MAP3K5: variants seen among roughly 807,000 people sequenced by gnomAD.
MAP3K5 encodes the protein ASK-1.
Under a neutral mutation model 158.7 loss-of-function variants are expected in MAP3K5, and 56 were observed. That is an observed-to-expected ratio of 0.35 (90% CI 0.28 to 0.44). MAP3K5 has a LOEUF of 0.44. Ranked by LOEUF, MAP3K5 falls within the 20% of genes least tolerant of loss-of-function variation. The pLI, the probability that MAP3K5 is intolerant of heterozygous loss-of-function variation, is 1.00. For missense variants in MAP3K5, 1,294 were observed against 1,674.8 expected (o/e 0.77, Z 3.97); for synonymous variants, 579 against 601.7 (o/e 0.96, Z 0.55).
rs201191934 is a variant in MAP3K5 at position 136,626,874 on chromosome 6, A to AT, written c.2017-3894dup. ...ACTTTCAATTTACAAATGATCAGAA[A>AT]TTTTTTTTTCCAGTGAAAATATATC... On this transcript the variant is annotated intron_variant, in intron 14 of 29. Transcript: ENST00000359015. Among the ~76,000 whole-genome samples the AT allele has an allele frequency of 5.3e-3, 802 of 151,938 alleles. 6 individuals are homozygous for AT. The highest frequency in any genetic ancestry group is 0.018 in the African/African-American group (766 of 41,444).
chr6:136,594,412 A>C (rs552743015), intron 21 of MAP3K5, among the ~76,000 whole-genome samples: 1 of 152,192 alleles, frequency 6.6e-6, no homozygotes, highest in Non-Finnish European at 1.5e-5. Context: ...TTTAGAGTCA[A>C]CATCTCGCTA....
intron 1 of MAP3K5, among the ~76,000 whole-genome samples, chr6:136,747,510 T>C (rs973672533): frequency 1.3e-5 from 2 of 152,160 alleles, no homozygotes; most frequent in African/African-American, 2.4e-5. Flanking sequence ...ACCACAATAG[T>C]ATATGCTGGA....
At chr6:136,621,575 G>A (rs774241758) in intron 15 of MAP3K5, among the ~76,000 whole-genome samples, 7 of 152,268 alleles carry the variant, frequency 4.6e-5, no homozygotes, top group African/African-American at 1.7e-4. Flanking sequence ...GGAAGAGTTC[G>A]ACAGGTCTGT....
intron 1 of MAP3K5, among the ~76,000 whole-genome samples, chr6:136,759,272 G>C (rs927207580): frequency 2.0e-5 from 3 of 151,814 alleles, no homozygotes; most frequent in African/African-American, 7.2e-5. Context: ...TTATGTGCCT[G>C]AACATAGGCT....
chr6:136,672,197 C>T (rs1441921853), intron 7 of MAP3K5, among the ~76,000 whole-genome samples: 2 of 152,036 alleles, frequency 1.3e-5, no homozygotes, highest in East Asian at 1.9e-4. Flanking sequence ...AAGATGTAGT[C>T]GTCTACTTGG....
intron 26 of MAP3K5, 111 bp downstream of exon 26, chr6:136,567,520 A>T: frequency 8.9e-7 from 1 of 1,119,832 alleles, no homozygotes; most frequent in Non-Finnish European, 1.2e-6. Flanking sequence ...AAAGGCATTC[A>T]ATCAAGTTTC....
intron 1 of MAP3K5, among the ~76,000 whole-genome samples, chr6:136,731,643 T>TA (rs1782228656): frequency 6.6e-6 from 1 of 152,098 alleles, no homozygotes. Flanking sequence ...CTGACATAGA[T>TA]ATTAGGGTGG....
intron 1 of MAP3K5, among the ~76,000 whole-genome samples, chr6:136,770,675 T>A (rs979156946): frequency 6.6e-6 from 1 of 152,212 alleles, no homozygotes; most frequent in African/African-American, 2.4e-5. Context: ...AAGGATTGCC[T>A]GAGCCCAGAA....
intron 28 of MAP3K5, among the ~76,000 whole-genome samples, chr6:136,561,134 G>A (rs907732278): frequency 2.0e-5 from 3 of 151,718 alleles, no homozygotes; most frequent in African/African-American, 7.3e-5. Flanking sequence ...TGCCTGCCTC[G>A]TTGGATTGTA....
At chr6:136,664,941 A>G (rs963628526) in intron 8 of MAP3K5, among the ~76,000 whole-genome samples, 1 of 152,292 alleles carries the variant, frequency 6.6e-6, no homozygotes, top group Non-Finnish European at 1.5e-5. Flanking sequence ...TCAAAAAATA[A>G]AAGTTAAAAA....
intron 3 of MAP3K5, among the ~76,000 whole-genome samples, chr6:136,701,126 T>C (rs1035382259): frequency 6.6e-6 from 1 of 152,162 alleles, no homozygotes; most frequent in African/African-American, 2.4e-5. Flanking sequence ...TGTGACATGT[T>C]TGGCACTCCA....
Position 136,558,937 on chromosome 6 carries a change from T to A in MAP3K5, c.3988-61A>T, listed in dbSNP as rs1032169791. 12 of 835,362 alleles carry A rather than the reference T, an allele frequency of 1.4e-5. No individual in the cohort carries two copies. The African/African-American group carries it at 1.7e-4, about 12-fold the overall frequency. The allele number at this position is 835,362 out of a possible 1,614,324, so 51.7% of individuals were successfully genotyped here. On this transcript the variant is annotated intron_variant, in intron 28 of 29. Coordinates refer to ENST00000359015, the MANE Select transcript of MAP3K5 (RefSeq NM_005923.4). ...TATATAACTTTAATAAAGCACAAAC[T>A]CTATTCATAATGTAAACCTTGACTA...
chr6:136,586,865 C>T (rs900552694), intron 23 of MAP3K5, among the ~76,000 whole-genome samples: 1 of 152,146 alleles, frequency 6.6e-6, no homozygotes, highest in Non-Finnish European at 1.5e-5. Context: ...CAGCCTACAT[C>T]TTTCTCTTGT....
At chr6:136,565,836 G>T (rs201871512) in intron 26 of MAP3K5, among the ~76,000 whole-genome samples, 1 of 152,158 alleles carries the variant, frequency 6.6e-6, no homozygotes, top group African/African-American at 2.4e-5. Flanking sequence ...TTTTCTGTGG[G>T]TGATGGAAAG....
intron 8 of MAP3K5, among the ~76,000 whole-genome samples, chr6:136,661,623 G>A (rs575617339): frequency 2.6e-5 from 4 of 152,128 alleles, no homozygotes; most frequent in Admixed American, 6.5e-5. Context: ...GAACTCCTGG[G>A]CTCAAGTGAT....
chr6:136,698,701 TC>T lies in MAP3K5; in HGVS notation c.613-20del. 6.3e-7 allele frequency: 1 copy of T among 1,595,504 alleles called. No homozygotes were observed. ...TGCACATCTGCGGAGAGAGGAGGCA[TC>T]GGCAAGTGGGGAGCTGGCCTGGAGA... On this transcript the variant is annotated intron_variant, in intron 3 of 29. Transcript: ENST00000359015.
intron 25 of MAP3K5, among the ~76,000 whole-genome samples, chr6:136,570,625 C>G (rs1344978818): frequency 2.0e-5 from 3 of 152,096 alleles, no homozygotes; most frequent in African/African-American, 7.2e-5. Context: ...TTTCTTTATC[C>G]CTCTTTTAAA....
intron 1 of MAP3K5, among the ~76,000 whole-genome samples, chr6:136,786,112 G>A (rs904157763): frequency 1.3e-5 from 2 of 152,182 alleles, no homozygotes; most frequent in East Asian, 1.9e-4. Flanking sequence ...GGTGGCTCAC[G>A]CCTGTAATCC....
intron 17 of MAP3K5, among the ~76,000 whole-genome samples, chr6:136,612,044 C>T (rs1776368425): frequency 6.6e-6 from 1 of 152,096 alleles, no homozygotes. Flanking sequence ...TGGCCCCTAC[C>T]CAGAAGTGGA....
Sources: allele counts gnomAD v4.1 joint callset (sites outside exome capture counted in the v4.1 genomes callset), GRCh38; gene constraint gnomAD v4.1.1; transcripts MANE v1.5; gene names NCBI Gene and HGNC (gene_info 2026-07-23, HGNC 2026-07-21).